Variants in COL28A1 observed in about 807,000 individuals in gnomAD.
The protein encoded by COL28A1 is collagen type XXVIII alpha 1 chain, also known as collagen alpha-1(XXVIII) chain.
In COL28A1, 161 loss-of-function variants were observed where a neutral mutation model predicts 150.2. That is an observed-to-expected ratio of 1.07 (90% CI 0.94 to 1.22). The LOEUF (loss-of-function observed/expected upper bound fraction) is 1.22. Among genes scored for constraint, COL28A1 ranks in the 50% most tolerant of loss-of-function variants. The probability of loss-of-function intolerance (pLI) is 0.00; values close to 1 mark genes in which losing one functional copy is unlikely to be tolerated. For synonymous variants in COL28A1, 552 were observed against 469.7 expected (o/e 1.18, Z -2.26); for missense variants, 1,617 against 1,388.3 (o/e 1.16, Z -2.62).
chr7:7,473,493 C>T lies in COL28A1; in HGVS notation c.1302+1108G>A, dbSNP rs553917998. On this transcript the variant is annotated intron_variant, in intron 15 of 34. Coordinates refer to ENST00000399429, the MANE Select transcript of COL28A1 (RefSeq NM_001037763.3). ...AATCAAAACCACAATGTGATACCAC[C>T]TTACTCCTGCAAGAATGGCCATAAT... 3.9e-4 allele frequency among the ~76,000 whole-genome samples: 60 copies of T among 152,240 alleles called. 1 individual carries two copies. Among genetic ancestry groups the T allele is most frequent in the Admixed American group, 3.6e-3 (55 of 15,284 alleles).
intron 20 of COL28A1, 28 bp from the exon 21 acceptor site, chr7:7,440,889 T>A (rs1191050389): frequency 3.4e-6 from 4 of 1,175,330 alleles, no homozygotes; most frequent in Non-Finnish European, 5.1e-6. Flanking sequence ...AAAATATAGA[T>A]TTTCGTATGG....
In COL28A1 at chr7:7,375,477, A is replaced by C. The variant is rs1395321523; in HGVS notation, c.2343T>G (p.Leu781=). The stretch of plus-strand genomic sequence containing the variant: ...AAATCTTACCACATATTTCTGTAAT[A>C]AGTTTGATAATTTCTTCTTTCTAGG... The part of the protein sequence containing the change: ...LGLTKEEIIK[L]ITEICGCGPK... The change falls in exon 31 of 35, where the codon CTT becomes CTG. Residue 781 remains leucine (L), a synonymous_variant. Transcript: ENST00000399429. 6.4e-7 allele frequency: 1 copy of C among 1,568,604 alleles called. No individual in the cohort carries two copies. Among genetic ancestry groups the C allele is most frequent in the Non-Finnish European group, 8.7e-7 (1 of 1,146,338 alleles).
chr7:7,426,408 G>C (rs141798785), intron 25 of COL28A1, among the ~76,000 whole-genome samples: 2 of 152,284 alleles, frequency 1.3e-5, no homozygotes, highest in African/African-American at 2.4e-5. Context: ...AATGTCAATG[G>C]AAGTTTTAGA....
intron 15 of COL28A1, among the ~76,000 whole-genome samples, chr7:7,474,246 C>T (rs550418965): frequency 2.6e-5 from 4 of 151,676 alleles, no homozygotes; most frequent in South Asian, 4.2e-4. Context: ...GTTATGAGGA[C>T]GCAAAGGCAT....
At chr7:7,542,873 G>C in the COL28A1 span, among the ~76,000 whole-genome samples, 3 of 152,112 alleles carry the variant, frequency 2.0e-5, no homozygotes, top group Non-Finnish European at 4.4e-5. Flanking sequence ...AAGTGAAGAA[G>C]TCTAAGAAAT....
intron 13 of COL28A1, among the ~76,000 whole-genome samples, chr7:7,481,398 T>C (rs1457296436): frequency 2.0e-5 from 3 of 152,236 alleles, no homozygotes; most frequent in African/African-American, 7.2e-5. Flanking sequence ...GCATGGACGA[T>C]GATCATTAGC....
At chr7:7,450,889 CAT>C (rs1346613368) in intron 18 of COL28A1, among the ~76,000 whole-genome samples, 2 of 152,002 alleles carry the variant, frequency 1.3e-5, no homozygotes, top group Non-Finnish European at 2.9e-5. Context: ...ACAAATAAAA[CAT>C]AAGGCTGACT....
intron 8 of COL28A1, among the ~76,000 whole-genome samples, chr7:7,514,347 T>C (rs1781307089): frequency 6.6e-6 from 1 of 152,214 alleles, no homozygotes; most frequent in Non-Finnish European, 1.5e-5. Context: ...ATTATTTGAT[T>C]CTCCAACCAC....
chr7:7,401,814 C>A (rs1783222699), intron 27 of COL28A1, among the ~76,000 whole-genome samples: 1 of 152,164 alleles, frequency 6.6e-6, no homozygotes, highest in Non-Finnish European at 1.5e-5. Context: ...CTGTGCAAAA[C>A]CCTTCAAGAA....
intron 15 of COL28A1, among the ~76,000 whole-genome samples, chr7:7,462,130 C>A (rs1359024653): frequency 6.6e-6 from 1 of 152,134 alleles, no homozygotes; most frequent in African/African-American, 2.4e-5. Context: ...AGAGAGATAA[C>A]AATCACTACA....
the COL28A1 span, among the ~76,000 whole-genome samples, chr7:7,350,813 G>T: frequency 6.6e-6 from 1 of 151,646 alleles, no homozygotes. Flanking sequence ...ATGATACTTT[G>T]GCATAATACC....
intron 31 of COL28A1, 40 bp downstream of exon 31, chr7:7,375,421 G>A: frequency 1.3e-6 from 2 of 1,546,630 alleles, no homozygotes; most frequent in Non-Finnish European, 1.8e-6. Flanking sequence ...TAGTGGGGCT[G>A]ATGCTTTAAA....
chr7:7,404,938 C>T (rs1325888478), intron 27 of COL28A1, among the ~76,000 whole-genome samples: 1 of 152,102 alleles, frequency 6.6e-6, no homozygotes, highest in Non-Finnish European at 1.5e-5. Flanking sequence ...GGCATGAGTG[C>T]AGTGGCATGA....
intron 27 of COL28A1, among the ~76,000 whole-genome samples, chr7:7,400,253 C>T (rs978648752): frequency 2.6e-5 from 4 of 152,124 alleles, no homozygotes; most frequent in African/African-American, 7.2e-5. Context: ...GGTGATTATC[C>T]TGGATTATCC....
chr7:7,509,569 T>A (rs1056138542), intron 9 of COL28A1, among the ~76,000 whole-genome samples: 7 of 152,236 alleles, frequency 4.6e-5, no homozygotes, highest in African/African-American at 1.4e-4. Flanking sequence ...TTTTTCACAT[T>A]TTTATATCTC....
At chr7:7,400,872 A>G (rs1297029505) in intron 27 of COL28A1, among the ~76,000 whole-genome samples, 2 of 151,968 alleles carry the variant, frequency 1.3e-5, no homozygotes, top group African/African-American at 4.8e-5. Flanking sequence ...AATAATACAA[A>G]TATTTCCCAT....
At position 7,511,098 on chromosome 7, in the gene COL28A1, C is replaced by T; in HGVS notation, c.920G>A (p.Gly307Asp). ...RGECGKPGIKGDKGSPGPYGP... is the reference protein window; with the variant it reads ...RGECGKPGIKDDKGSPGPYGP... ...TAAAAACATGTTCCTTACCTTGTCACCTTTTATCCCTGGTTTACCACATTC... is the reference window on the plus strand; with the variant it reads ...TAAAAACATGTTCCTTACCTTGTCATCTTTTATCCCTGGTTTACCACATTC... Residue 307 changes from glycine to aspartate, a missense_variant, in exon 9 of 35, where the codon GGT becomes GAT. Transcript: ENST00000399429. 6.2e-7 allele frequency: 1 copy of T among 1,613,282 alleles called. No individual in the cohort carries two copies. The highest frequency in any genetic ancestry group is 8.5e-7 in the Non-Finnish European group (1 of 1,179,354).
chr7:7,529,693 G>C (rs895571519), intron 3 of COL28A1, among the ~76,000 whole-genome samples: 29 of 152,190 alleles, frequency 1.9e-4, no homozygotes, highest in African/African-American at 6.5e-4. Context: ...GGAGCTGCCT[G>C]TCCCGCATCT....
chr7:7,472,594 C>A (rs1373860938), intron 15 of COL28A1, among the ~76,000 whole-genome samples: 1 of 152,202 alleles, frequency 6.6e-6, no homozygotes, highest in Non-Finnish European at 1.5e-5. Context: ...AATGACCATA[C>A]TGCCAAAAGC....
Sources: allele counts gnomAD v4.1 joint callset (sites outside exome capture counted in the v4.1 genomes callset), GRCh38; gene constraint gnomAD v4.1.1; transcripts MANE v1.5; gene names NCBI Gene and HGNC (gene_info 2026-07-23, HGNC 2026-07-21).